Variants in VRK3 observed in about 807,000 individuals in gnomAD.
VRK3 encodes VRK serine/threonine kinase 3, also known as serine/threonine-protein kinase VRK3.
Under a neutral mutation model 60.4 loss-of-function variants are expected in VRK3, and 50 were observed. The ratio of observed to expected loss-of-function variants is 0.83; its 90% CI spans 0.66 to 1.05. The LOEUF (loss-of-function observed/expected upper bound fraction) is 1.05, where lower values mean the gene tolerates loss of function less well. VRK3 is among the 50% of genes least tolerant of loss of function. The probability of loss-of-function intolerance (pLI) is 0.00; values close to 1 mark genes in which losing one functional copy is unlikely to be tolerated. For missense variants in VRK3, 549 were observed against 585.3 expected, an observed-to-expected ratio of 0.94 and a Z score of 0.64; for synonymous variants, 246 against 227.8, an observed-to-expected ratio of 1.08 and a Z score of -0.72.
At chr19:50,003,350 C>T (rs1285879482) in intron 5 of VRK3, among the ~76,000 whole-genome samples, 2 of 152,258 alleles carry the variant, frequency 1.3e-5, no homozygotes, top group African/African-American at 4.8e-5. Context: ...ACTGTGGTAA[C>T]TTGTTACAGC....
At chr19:50,011,085 A>G (rs553513231) in intron 3 of VRK3, among the ~76,000 whole-genome samples, 18 of 152,296 alleles carry the variant, frequency 1.2e-4, no homozygotes, top group African/African-American at 4.1e-4. Flanking sequence ...ATTTGAGAGG[A>G]AATTTCCAAT....
At chr19:49,981,079 T>TGCCTAAGATATATACACA (rs59094042) in intron 12 of VRK3, 66 bp from the exon 13 acceptor site, 2 of 1,410,200 alleles carry the variant, frequency 1.4e-6, no homozygotes, top group Non-Finnish European at 9.9e-7. Flanking sequence ...TAAAACAGAA[T>TGCCTAAGATATATACACA]GCCTAAGATA....
At chr19:49,978,024 G>C (rs991442535) in intron 14 of VRK3, among the ~76,000 whole-genome samples, 1 of 152,192 alleles carries the variant, frequency 6.6e-6, no homozygotes, top group Non-Finnish European at 1.5e-5. Context: ...ACGTCGCTGC[G>C]CCGGGAGACA....
In VRK3 at chr19:50,009,373, C is replaced by T. The variant is rs763355056; in HGVS notation, c.152G>A (p.Gly51Glu). 1 of 1,613,598 alleles carries T rather than the reference C, an allele frequency of 6.2e-7. No homozygotes were observed. The highest frequency in any genetic ancestry group is 2.2e-5 in the East Asian group (1 of 44,864). Residue 51 changes from glycine to glutamate, a missense_variant, in exon 4 of 15, where the codon GGG becomes GAG. Transcript: ENST00000316763. ...AGAGGTTTCAAAACTGGAGTTCAGC[C>T]CTCTCTTTGAGCCTAAAGAAAGGCA... ...HVSSFQGSKR[G>E]LNSSFETSPK...
At chr19:50,007,153 T>C (rs1457030890) in intron 5 of VRK3, among the ~76,000 whole-genome samples, 1 of 152,164 alleles carries the variant, frequency 6.6e-6, no homozygotes, top group East Asian at 1.9e-4. Context: ...TCTTGGTGTG[T>C]GTGTGACATC....
Position 49,992,872 on chromosome 19 carries a change from C to T in VRK3, c.951G>A (p.Glu317=). The T allele has an allele frequency of 2.5e-6, 4 of 1,614,094 alleles. No individual in the cohort carries two copies. Among genetic ancestry groups the T allele is most frequent in the Non-Finnish European group, 3.4e-6 (4 of 1,180,024 alleles). Residue 317 remains glutamate (E), a synonymous_variant, in exon 10 of 15, where the codon GAG becomes GAA. Transcript: ENST00000316763. ...VTAENIFVDP[E]DQSQVTLAGY... Reference sequence around the variant, plus strand: ...AGCTGGCTCTTACCTGACTCTGGTCCTCTGGATCCACAAAGATATTTTCAG... The same window carrying T: ...AGCTGGCTCTTACCTGACTCTGGTCTTCTGGATCCACAAAGATATTTTCAG...
intron 3 of VRK3, among the ~76,000 whole-genome samples, chr19:50,012,536 C>G (rs1374093185): frequency 6.6e-6 from 1 of 152,144 alleles, no homozygotes; most frequent in Non-Finnish European, 1.5e-5. Flanking sequence ...TATTTGCCAT[C>G]TGATGACTGA....
intron 12 of VRK3, chr19:49,982,246 GA>G (rs2076436551): frequency 1.4e-6 from 1 of 702,368 alleles, no homozygotes; most frequent in Non-Finnish European, 2.6e-6. Flanking sequence ...GCTCATGCCT[GA>G]ACAAAGCTGA....
chr19:49,981,345 A>G (rs2076418967), intron 12 of VRK3, among the ~76,000 whole-genome samples: 1 of 152,134 alleles, frequency 6.6e-6, no homozygotes, highest in South Asian at 2.1e-4. Context: ...AGGAGATCCG[A>G]GATCATCCTG....
intron 7 of VRK3, among the ~76,000 whole-genome samples, chr19:49,996,302 C>T (rs755184877): frequency 3.9e-5 from 6 of 152,114 alleles, no homozygotes; most frequent in East Asian, 3.8e-4. Context: ...GGTGATCCAC[C>T]GGCCTCCGCC....
chr19:49,994,278 T>C (rs959890096), intron 9 of VRK3, among the ~76,000 whole-genome samples: 18 of 152,192 alleles, frequency 1.2e-4, no homozygotes, highest in African/African-American at 3.9e-4. Flanking sequence ...CCCACTAGAC[T>C]GTGAGCTCTA....
intron 6 of VRK3, chr19:50,000,588 G>C (rs893100302): frequency 1.1e-5 from 7 of 616,066 alleles, no homozygotes; most frequent in Non-Finnish European, 2.0e-5. Context: ...CCAGACTTGG[G>C]TGGATCCAAC....
intron 5 of VRK3, among the ~76,000 whole-genome samples, chr19:50,004,079 AC>A (rs1456558757): frequency 6.6e-6 from 1 of 152,106 alleles, no homozygotes; most frequent in East Asian, 1.9e-4. Flanking sequence ...GGAATGGATG[AC>A]TCACACAGGC....
At chr19:50,013,587 A>T (rs1487808531) in intron 3 of VRK3, among the ~76,000 whole-genome samples, 1 of 152,174 alleles carries the variant, frequency 6.6e-6, no homozygotes, top group Non-Finnish European at 1.5e-5. Context: ...CGATGGATAA[A>T]CCTTCTTTGA....
intron 12 of VRK3, among the ~76,000 whole-genome samples, chr19:49,982,516 T>C (rs890570963): frequency 1.6e-4 from 25 of 152,082 alleles, no homozygotes; most frequent in African/African-American, 5.8e-4. Flanking sequence ...AACTAAACAG[T>C]GAAAAGGACA....
At chr19:50,019,176 A>AG (rs926547908) in intron 2 of VRK3, 6 of 105,038 alleles carry the variant, frequency 5.7e-5, no homozygotes, top group African/African-American at 3.4e-4. Flanking sequence ...AAAAAAAAAA[A>AG]AAAAAAAAAA....
intron 10 of VRK3, 43 bp from the exon 11 acceptor site, chr19:49,989,814 C>T (rs766445066): frequency 3.9e-6 from 6 of 1,531,406 alleles, no homozygotes; most frequent in East Asian, 2.4e-5. Flanking sequence ...AGGTTAGGAG[C>T]GTAGAAGTCA....
chr19:50,006,135 A>G lies in VRK3; in HGVS notation c.547+1434T>C, dbSNP rs993812333. On this transcript the variant is annotated intron_variant, in intron 5 of 14. Transcript: ENST00000316763. ...ACCCTGTCTCTACTAAAAATACAAA[A>G]AATAAAAATAAAAAAATAAAAAAAT... Among the ~76,000 whole-genome samples, 35 of 150,250 alleles carry G rather than the reference A, an allele frequency of 2.3e-4. 3 individuals are homozygous for G. Among genetic ancestry groups the G allele is most frequent in the African/African-American group, 8.0e-4 (32 of 39,934 alleles).
intron 12 of VRK3, among the ~76,000 whole-genome samples, chr19:49,987,327 G>A (rs2076533369): frequency 6.6e-6 from 1 of 152,076 alleles, no homozygotes; most frequent in African/African-American, 2.4e-5. Context: ...CTTCCCTTTT[G>A]TGTCCCGCTG....
Sources: allele counts gnomAD v4.1 joint callset (sites outside exome capture counted in the v4.1 genomes callset), GRCh38; gene constraint gnomAD v4.1.1; transcripts MANE v1.5; gene names NCBI Gene and HGNC (gene_info 2026-07-23, HGNC 2026-07-21).